Variants in ETV6 observed in about 807,000 individuals in gnomAD.
ETV6 encodes ETS variant transcription factor 6, also known as transcription factor ETV6.
Under a neutral mutation model 51.1 loss-of-function variants are expected in ETV6, and 16 were observed. The observed-to-expected ratio is 0.31, with a 90% CI of 0.21 to 0.48. The LOEUF is 0.48. Among genes scored for constraint, ETV6 ranks in the 20% least tolerant of loss-of-function variants. The pLI is 0.99. For missense variants in ETV6, 458 were observed against 594.8 expected (o/e 0.77, Z 2.39); for synonymous variants, 240 against 224.1 (o/e 1.07, Z -0.64).
intron 2 of ETV6, among the ~76,000 whole-genome samples, chr12:11,834,268 CA>C (rs1046483978): frequency 1.2e-4 from 19 of 152,326 alleles, no homozygotes; most frequent in African/African-American, 4.6e-4. Context: ...GTCAGGGGAT[CA>C]GGGGCAGGTT....
intron 1 of ETV6, among the ~76,000 whole-genome samples, chr12:11,674,615 T>TGTG (rs1864379901): frequency 3.8e-5 from 5 of 133,162 alleles, no homozygotes; most frequent in Admixed American, 7.5e-5. Context: ...TAGGGGTTAT[T>TGTG]TGTGTGTGTG....
intron 1 of ETV6, among the ~76,000 whole-genome samples, chr12:11,707,231 A>G (rs550951309): frequency 6.6e-6 from 1 of 152,222 alleles, no homozygotes; most frequent in Admixed American, 6.5e-5. Flanking sequence ...AAAAAATCAC[A>G]TTCCCTGCTT....
intron 1 of ETV6, among the ~76,000 whole-genome samples, chr12:11,686,294 G>A (rs1180012446): frequency 6.6e-6 from 1 of 152,214 alleles, no homozygotes; most frequent in Non-Finnish European, 1.5e-5. Flanking sequence ...ACCAGTAGGT[G>A]GGATAGAGAG....
intron 1 of ETV6, among the ~76,000 whole-genome samples, chr12:11,671,469 T>A (rs2120697837): frequency 6.6e-6 from 1 of 152,296 alleles, no homozygotes; most frequent in East Asian, 1.9e-4. Flanking sequence ...ATTTTAAAAT[T>A]GCTTAAGGAG....
At chr12:11,757,980 C>A (rs778454277) in intron 2 of ETV6, among the ~76,000 whole-genome samples, 34 of 152,162 alleles carry the variant, frequency 2.2e-4, no homozygotes, top group Non-Finnish European at 2.5e-4. Flanking sequence ...CTCCCTACAA[C>A]CAGAATGCCA....
intron 2 of ETV6, among the ~76,000 whole-genome samples, chr12:11,823,469 C>CTTTTTTTTT (rs756553588): frequency 1.5e-5 from 2 of 137,572 alleles, no homozygotes; most frequent in African/African-American, 2.7e-5. Flanking sequence ...TCCTTTTTTT[C>CTTTTTTTTT]TTTTTTTTTT....
At chr12:11,801,388 T>C (rs1945746872) in intron 2 of ETV6, among the ~76,000 whole-genome samples, 1 of 152,238 alleles carries the variant, frequency 6.6e-6, no homozygotes, top group Non-Finnish European at 1.5e-5. Flanking sequence ...GCTTATTTAA[T>C]ATTGATGTAA....
At chr12:11,765,364 G>A (rs1020641038) in intron 2 of ETV6, among the ~76,000 whole-genome samples, 8 of 151,902 alleles carry the variant, frequency 5.3e-5, no homozygotes, top group Non-Finnish European at 8.8e-5. Context: ...ATCTGTCTAC[G>A]TCTCTCTTGG....
At chr12:11,795,332 AC>A (rs1945660076) in intron 2 of ETV6, among the ~76,000 whole-genome samples, 2 of 152,260 alleles carry the variant, frequency 1.3e-5, no homozygotes, top group Admixed American at 1.3e-4. Context: ...GTGCCCCAGC[AC>A]CGGGCCTTCC....
At position 11,891,854 on chromosome 12, in the gene ETV6, G is replaced by C. The variant is rs1947293325; in HGVS notation, c.*808G>C. ...CATCCCAGCATTGGGCCACCCATCT[G>C]AGGGAGGCCAAAATCATCACAGATG... On this transcript the variant is annotated 3_prime_UTR_variant, in exon 8 of 8. Coordinates refer to ENST00000396373, the MANE Select transcript of ETV6 (RefSeq NM_001987.5). The C allele has an allele frequency of 3.2e-6, 1 of 311,728 alleles. No individual in the cohort carries two copies. Among genetic ancestry groups the C allele is most frequent in the Non-Finnish European group, 6.2e-6 (1 of 161,258 alleles). The allele number at this position is 311,728 out of a possible 1,614,324, so 19.3% of individuals were successfully genotyped here.
intron 4 of ETV6, among the ~76,000 whole-genome samples, chr12:11,858,391 A>AATAT (rs1555143182): frequency 1.4e-5 from 1 of 73,520 alleles, no homozygotes; most frequent in African/African-American, 3.2e-5. Flanking sequence ...TATCCCCTTA[A>AATAT]ATATATATAT....
intron 4 of ETV6, among the ~76,000 whole-genome samples, chr12:11,854,262 C>T (rs1946599591): frequency 6.6e-6 from 1 of 152,042 alleles, no homozygotes; most frequent in South Asian, 2.1e-4. Context: ...ACGTGGGACT[C>T]AGGCGGTAAT....
chr12:11,663,377 C>T (rs151144602), intron 1 of ETV6, among the ~76,000 whole-genome samples: 3 of 152,320 alleles, frequency 2.0e-5, no homozygotes, highest in African/African-American at 7.2e-5. Flanking sequence ...TCTGGAGTGG[C>T]TTGTGCTTTC....
intron 1 of ETV6, among the ~76,000 whole-genome samples, chr12:11,658,897 G>C (rs918899606): frequency 6.6e-6 from 1 of 152,240 alleles, no homozygotes; most frequent in Non-Finnish European, 1.5e-5. Context: ...TGTACAGTGA[G>C]TCTAACTAGC....
intron 2 of ETV6, 48 bp downstream of exon 2, chr12:11,752,627 G>A (rs762007645): frequency 1.3e-5 from 20 of 1,543,720 alleles, no homozygotes; most frequent in South Asian, 9.5e-5. Flanking sequence ...GGCGTGGGGC[G>A]GGGGTGGCAG....
At position 11,736,202 on chromosome 12, in the gene ETV6, T is replaced by C. The variant is rs551104001; in HGVS notation, c.34-16248T>C. Among the ~76,000 whole-genome samples the C allele has an allele frequency of 1.2e-4, 18 of 152,292 alleles. 1 individual carries two copies. In the South Asian group the frequency reaches 3.7e-3, roughly 32 times the overall value. The stretch of plus-strand genomic sequence containing the variant: ...ACATATTTGCTGAATGAAAGAAAAA[T>C]CTTTTACAAAGGTCTTCAGATCATT... On this transcript the variant is annotated intron_variant, in intron 1 of 7. Coordinates refer to ENST00000396373, the MANE Select transcript of ETV6 (RefSeq NM_001987.5).
chr12:11,719,278 G>T (rs995250591), intron 1 of ETV6, among the ~76,000 whole-genome samples: 4 of 152,224 alleles, frequency 2.6e-5, no homozygotes, highest in Admixed American at 2.6e-4. Context: ...ATACTCTTTG[G>T]TGAAGGAAAT....
intron 2 of ETV6, among the ~76,000 whole-genome samples, chr12:11,779,918 T>G (rs1309379910): frequency 1.6e-4 from 25 of 152,240 alleles, no homozygotes; most frequent in Admixed American, 1.6e-3. Flanking sequence ...TGTAATTAAA[T>G]GAGCTGATAA....
At chr12:11,773,355 A>G (rs925003708) in intron 2 of ETV6, among the ~76,000 whole-genome samples, 7 of 151,986 alleles carry the variant, frequency 4.6e-5, no homozygotes, top group African/African-American at 1.7e-4. Context: ...CTTTCTGCTC[A>G]AGTCTCAACT....
Sources: allele counts gnomAD v4.1 joint callset (sites outside exome capture counted in the v4.1 genomes callset), GRCh38; gene constraint gnomAD v4.1.1; transcripts MANE v1.5; gene names NCBI Gene and HGNC (gene_info 2026-07-23, HGNC 2026-07-21).